DHX8: variants seen among roughly 807,000 people sequenced by gnomAD.
DHX8 encodes DEAH-box helicase 8.
In DHX8, 67 loss-of-function variants were observed where a neutral mutation model predicts 140.7. That is an observed-to-expected ratio of 0.48 (90% CI 0.39 to 0.58). The LOEUF (loss-of-function observed/expected upper bound fraction) is 0.58, where lower values mean the gene tolerates loss of function less well. DHX8 is among the 20% of genes least tolerant of loss of function. The pLI, the probability that DHX8 is intolerant of heterozygous loss-of-function variation, is 0.00. For missense variants in DHX8, 887 were observed against 1,550.7 expected (o/e 0.57, Z 7.19); for synonymous variants, 533 against 553.2 (o/e 0.96, Z 0.51).
intron 9 of DHX8, among the ~76,000 whole-genome samples, chr17:43,496,649 G>A (rs1225071320): frequency 6.6e-6 from 1 of 151,976 alleles, no homozygotes; most frequent in East Asian, 1.9e-4. Flanking sequence ...GTGTGGTGGC[G>A]CATGCCTATC....
chr17:43,516,545 G>A (rs1189397692), intron 17 of DHX8, among the ~76,000 whole-genome samples: 2 of 152,006 alleles, frequency 1.3e-5, no homozygotes, highest in Non-Finnish European at 2.9e-5. Flanking sequence ...ACCTCCCCAG[G>A]CTCAGGTGAT....
At chr17:43,540,622 G>T (rs1422840084) in intron 3 of DHX8, among the ~76,000 whole-genome samples, 1 of 152,134 alleles carries the variant, frequency 6.6e-6, no homozygotes, top group East Asian at 1.9e-4. Flanking sequence ...GCTCACTGCA[G>T]CCTCTAACTC....
chr17:43,511,816 T>C (rs1346528003), intron 16 of DHX8, among the ~76,000 whole-genome samples: 4 of 129,760 alleles, frequency 3.1e-5, no homozygotes, highest in Non-Finnish European at 6.3e-5. Flanking sequence ...AAGTTCAAGA[T>C]CAGCCTGGGC....
At chr17:43,498,455 CT>C (rs576177817) in intron 9 of DHX8, among the ~76,000 whole-genome samples, 192 of 134,386 alleles carry the variant, frequency 1.4e-3, no homozygotes, top group Non-Finnish European at 1.5e-3. Context: ...CCTTTTTTTT[CT>C]TTTTTTTTTT....
intron 17 of DHX8, among the ~76,000 whole-genome samples, chr17:43,516,258 A>G (rs564103387): frequency 1.3e-5 from 2 of 152,260 alleles, no homozygotes; most frequent in South Asian, 4.1e-4. Context: ...CTGCAAGCCT[A>G]CTATCAGAGT....
chr17:43,533,229 G>A lies in DHX8; in HGVS notation c.351-3183G>A, dbSNP rs557760082. ...CCCATGGCCAGGGTGGGGCTGGGAG[G>A]TGCCAGAGGATCTCAGGAAATTCCG... On this transcript the variant is annotated intron_variant, in intron 2 of 3. Coordinates refer to the DHX8 transcript ENST00000589898. 2 of 1,614,042 alleles carry A rather than the reference G, an allele frequency of 1.2e-6. No individual in the cohort carries two copies. Among genetic ancestry groups the A allele is most frequent in the East Asian group, 4.5e-5 (2 of 44,862 alleles).
chr17:43,506,661 G>T (rs1242487013), intron 12 of DHX8, among the ~76,000 whole-genome samples: 6 of 151,642 alleles, frequency 4.0e-5, no homozygotes, highest in Non-Finnish European at 8.8e-5. Context: ...GTATTATTTG[G>T]ATAGGCTCTG....
In DHX8 at chr17:43,517,216, A is replaced by G; in HGVS notation, c.2693A>G (p.Lys898Arg). ...AGAGCTGGGAGAACAGGCCCAGGGA[A>G]GTGTTACAGGTTGTACACAGAACGT... ...AGRAGRTGPG[K>R]CYRLYTERAY... The change falls in exon 18 of 23, where the codon AAG (lysine) becomes AGG (arginine). Residue 898 changes from lysine (K) to arginine (R), a missense_variant. Physicochemically the swap from Lys to Arg is conservative, Grantham distance 26. Around this residue, in one of 9 missense-constraint regions of DHX8, gnomAD observed 151 missense variants for 388.3 expected, o/e 0.39. Coordinates refer to ENST00000262415, the MANE Select transcript of DHX8 (RefSeq NM_004941.3). 1.2e-6 allele frequency: 2 copies of G among 1,614,098 alleles called. No individual in the cohort carries two copies. The highest frequency in any genetic ancestry group is 8.5e-7 in the Non-Finnish European group (1 of 1,179,996).
chr17:43,537,404 AG>A (rs1188170337), intron 3 of DHX8, among the ~76,000 whole-genome samples: 10 of 150,938 alleles, frequency 6.6e-5, no homozygotes, highest in Middle Eastern at 3.5e-3. Context: ...AAAATCACAT[AG>A]GGGGGTGGCT....
chr17:43,497,344 A>G (rs1180070905), intron 9 of DHX8, among the ~76,000 whole-genome samples: 2 of 152,202 alleles, frequency 1.3e-5, no homozygotes, highest in Admixed American at 6.5e-5. Context: ...TTTGATGGAC[A>G]TATGAGTTGT....
chr17:43,542,065 T>TGA (rs1971551782), intron 3 of DHX8, among the ~76,000 whole-genome samples: 2 of 152,166 alleles, frequency 1.3e-5, no homozygotes, highest in Non-Finnish European at 2.9e-5. Flanking sequence ...ATGGGGTCTT[T>TGA]TTTTGACCTA....
chr17:43,526,342 C>T (rs1970615727), downstream of DHX8: 1 of 1,437,166 alleles, frequency 7.0e-7, no homozygotes, highest in Non-Finnish European at 9.1e-7. Context: ...CAGGAGTTGC[C>T]TGCCTCTGCA....
downstream of DHX8, chr17:43,526,719 AC>A: frequency 7.0e-7 from 1 of 1,433,468 alleles, no homozygotes; most frequent in Non-Finnish European, 9.2e-7. Context: ...CAGGGTTTCC[AC>A]CGATTTTTAC....
chr17:43,517,326 G>C lies in DHX8; in HGVS notation c.2799+4G>C, dbSNP rs772809245. On this transcript the variant is annotated splice_donor_region_variant and intron_variant, in intron 18 of 22. Transcript: ENST00000262415. ...AAGCACAGTGCTGTCACTCAAGGTA[G>C]AAATCACTGTCTTGTTAAAATGGGT... 5.6e-6 allele frequency: 9 copies of C among 1,613,212 alleles called. No individual in the cohort carries two copies. Among genetic ancestry groups the C allele is most frequent in the East Asian group, 2.2e-5 (1 of 44,826 alleles).
At chr17:43,499,227 C>T (rs760303387) in intron 10 of DHX8, among the ~76,000 whole-genome samples, 20 of 152,120 alleles carry the variant, frequency 1.3e-4, no homozygotes, top group Non-Finnish European at 2.5e-4. Context: ...ATTGCCTTTG[C>T]CTGGATTCCT....
intron 3 of DHX8, among the ~76,000 whole-genome samples, chr17:43,539,110 A>T (rs1971394489): frequency 6.6e-6 from 1 of 152,180 alleles, no homozygotes; most frequent in Admixed American, 6.5e-5. Context: ...TCTTTTTACA[A>T]CAGAAATAAA....
intron 1 of DHX8, among the ~76,000 whole-genome samples, chr17:43,487,827 A>G (rs1011895074): frequency 1.2e-4 from 18 of 152,024 alleles, no homozygotes; most frequent in African/African-American, 4.3e-4. Context: ...AACTACAAAA[A>G]TTAGCCAGGC....
chr17:43,530,817 T>C (rs1359407988), downstream of DHX8, among the ~76,000 whole-genome samples: 1 of 151,812 alleles, frequency 6.6e-6, no homozygotes, highest in Non-Finnish European at 1.5e-5. Flanking sequence ...TTCCAACCCC[T>C]TCCCGCCCTC....
chr17:43,522,463 T>C (rs1235716144), intron 22 of DHX8, among the ~76,000 whole-genome samples: 1 of 151,922 alleles, frequency 6.6e-6, no homozygotes, highest in Non-Finnish European at 1.5e-5. Flanking sequence ...AAAAACTACG[T>C]AGTGGCCAGG....
Sources: gnomAD v4.1 joint callset for allele counts (sites outside exome capture counted in the v4.1 genomes callset) on GRCh38, gnomAD v4.1.1 for gene constraint, gnomAD v4.1.1 regional missense constraint, MANE v1.5 for transcripts, NCBI Gene and HGNC (gene_info 2026-07-23, HGNC 2026-07-21) for gene names.